Variants in DRICH1 observed in about 807,000 individuals in gnomAD.
DRICH1 encodes aspartate-rich protein 1.
Under a neutral mutation model 39.5 loss-of-function variants are expected in DRICH1, and 38 were observed. The observed-to-expected ratio is 0.96, with a 90% CI of 0.74 to 1.26. The LOEUF (loss-of-function observed/expected upper bound fraction) is 1.26, where lower values mean the gene tolerates loss of function less well. Among genes scored for constraint, DRICH1 ranks in the 50% most tolerant of loss-of-function variants. The pLI, the probability that DRICH1 is intolerant of heterozygous loss-of-function variation, is 0.00. For synonymous variants in DRICH1, 84 were observed against 99.5 expected, an observed-to-expected ratio of 0.84 and a Z score of 0.93; for missense variants, 279 against 270.4, an observed-to-expected ratio of 1.03 and a Z score of -0.22.
intron 1 of DRICH1, 120 bp downstream of exon 1, chr22:23,631,696 G>A (rs1920979786): frequency 7.0e-6 from 6 of 852,580 alleles, no homozygotes; most frequent in Non-Finnish European, 7.4e-6. Flanking sequence ...ACCTGGGAAA[G>A]CTGGCTATGG....
chr22:23,609,554 A>G (rs1158440312), intron 11 of DRICH1, among the ~76,000 whole-genome samples: 1 of 152,026 alleles, frequency 6.6e-6, no homozygotes, highest in Non-Finnish European at 1.5e-5. Flanking sequence ...GCACCCCCTG[A>G]CCAGGGGTAC....
At chr22:23,614,437 C>G (rs1248074068) in intron 8 of DRICH1, among the ~76,000 whole-genome samples, 2 of 152,168 alleles carry the variant, frequency 1.3e-5, no homozygotes, top group Admixed American at 1.3e-4. Flanking sequence ...CAGGAAGCAA[C>G]ACAAAACAAT....
intron 8 of DRICH1, among the ~76,000 whole-genome samples, chr22:23,615,259 C>G (rs1281062210): frequency 6.6e-6 from 1 of 152,152 alleles, no homozygotes; most frequent in Non-Finnish European, 1.5e-5. Flanking sequence ...GCCTGTAATT[C>G]CAGCTACTCA....
chr22:23,604,519 G>T (rs1002570649), downstream of DRICH1, among the ~76,000 whole-genome samples: 2 of 152,138 alleles, frequency 1.3e-5, no homozygotes, highest in African/African-American at 2.4e-5. Context: ...TGACGCTGAT[G>T]GGGACTCCTT....
chr22:23,607,922 G>C (rs983418713), downstream of DRICH1, among the ~76,000 whole-genome samples: 2 of 152,192 alleles, frequency 1.3e-5, no homozygotes, highest in Admixed American at 1.3e-4. Flanking sequence ...GGGAGCTTTG[G>C]CCCCAAGTTG....
At chr22:23,602,932 A>T in the DRICH1 span, among the ~76,000 whole-genome samples, 1 of 152,058 alleles carries the variant, frequency 6.6e-6, no homozygotes, top group South Asian at 2.1e-4. Context: ...CATGGATATA[A>T]CATAGTTTAT....
chr22:23,619,695 T>A (rs920293667), intron 5 of DRICH1, among the ~76,000 whole-genome samples: 1 of 152,166 alleles, frequency 6.6e-6, no homozygotes, highest in Non-Finnish European at 1.5e-5. Flanking sequence ...CATATTCTCA[T>A]TCACATGAAA....
At chr22:23,588,027 A>G in the DRICH1 span, among the ~76,000 whole-genome samples, 5 of 152,282 alleles carry the variant, frequency 3.3e-5, no homozygotes, top group East Asian at 9.7e-4. Context: ...CCCATGCTAT[A>G]TTCGCATGGA....
At chr22:23,607,501 T>A (rs1926797340), downstream of DRICH1, among the ~76,000 whole-genome samples, 1 of 147,642 alleles carries the variant, frequency 6.8e-6, no homozygotes, top group South Asian at 2.2e-4. Flanking sequence ...CCAGAGTCCC[T>A]GCCTTGGCCG....
At chr22:23,632,433 C>A (rs55751754), upstream of DRICH1, 31 of 252,808 alleles carry the variant, frequency 1.2e-4, no homozygotes, top group Admixed American at 3.5e-4. Flanking sequence ...GCCCCACAGC[C>A]CCCCCCAATG....
chr22:23,623,756 C>CTTGGTAATGTTGGAAA, intron 3 of DRICH1: 4 of 173,914 alleles, frequency 2.3e-5, no homozygotes, highest in Non-Finnish European at 4.5e-5. Flanking sequence ...CTACAAAAAA[C>CTTGGTAATGTTGGAAA]AGAAATTCAG....
the DRICH1 span, among the ~76,000 whole-genome samples, chr22:23,595,955 T>TC: frequency 6.6e-6 from 1 of 152,158 alleles, no homozygotes; most frequent in Non-Finnish European, 1.5e-5. Flanking sequence ...GGAAAACACA[T>TC]CATCTTACAT....
At chr22:23,618,323 C>T (rs1001692433) in intron 6 of DRICH1, among the ~76,000 whole-genome samples, 4 of 151,944 alleles carry the variant, frequency 2.6e-5, no homozygotes. Flanking sequence ...ACCGTGTTAG[C>T]CAGGATGGTC....
chr22:23,592,643 G>A, the DRICH1 span, among the ~76,000 whole-genome samples: 1 of 152,102 alleles, frequency 6.6e-6, no homozygotes, highest in Non-Finnish European at 1.5e-5. Flanking sequence ...GCAGAGAGAG[G>A]CTGATATTGG....
the DRICH1 span, chr22:23,583,903 G>A: frequency 6.6e-6 from 1 of 152,568 alleles, no homozygotes; most frequent in African/African-American, 2.4e-5. Flanking sequence ...CACTGCCTGG[G>A]ACTCAGAAAC....
At chr22:23,620,679 ATC>A in intron 4 of DRICH1, 64 bp from the exon 5 acceptor site, 2 of 1,573,046 alleles carry the variant, frequency 1.3e-6, no homozygotes, top group Non-Finnish European at 1.7e-6. Flanking sequence ...CCTTACACAG[ATC>A]TGTTATTCTC....
chr22:23,610,153 C>T (rs867644603), intron 11 of DRICH1, among the ~76,000 whole-genome samples: 1 of 152,186 alleles, frequency 6.6e-6, no homozygotes, highest in African/African-American at 2.4e-5. Context: ...TGTGGCTGAG[C>T]CCAACCGCCA....
At chr22:23,621,796 C>G (rs1927751892) in intron 4 of DRICH1, among the ~76,000 whole-genome samples, 3 of 152,190 alleles carry the variant, frequency 2.0e-5, no homozygotes, top group Admixed American at 2.0e-4. Flanking sequence ...TGCCTGTAAT[C>G]CCAGCTACCT....
chr22:23,624,324 C>T, intron 3 of DRICH1: 1 of 985,272 alleles, frequency 1.0e-6, no homozygotes, highest in Non-Finnish European at 1.2e-6. Context: ...GAAAAATCAT[C>T]TTTAAATAAT....
Sources: gnomAD v4.1 joint callset for allele counts (sites outside exome capture counted in the v4.1 genomes callset) on GRCh38, gnomAD v4.1.1 for gene constraint, MANE v1.5 for transcripts, NCBI Gene and HGNC (gene_info 2026-07-23, HGNC 2026-07-21) for gene names.